RELN: variants seen among roughly 807,000 people sequenced by gnomAD.
RELN encodes the protein reelin.
Under a neutral mutation model 427.6 loss-of-function variants are expected in RELN, and 108 were observed. The observed-to-expected ratio is 0.25, with a 90% CI of 0.22 to 0.30. RELN has a LOEUF of 0.30. Among genes scored for constraint, RELN ranks in the 10% least tolerant of loss-of-function variants. The pLI is 1.00. For missense variants in RELN, 3,715 were observed against 4,302.8 expected (o/e 0.86, Z 3.82); for synonymous variants, 1,524 against 1,513.4 (o/e 1.01, Z -0.16).
At position 103,557,093 on chromosome 7, in the gene RELN, A is replaced by G; in HGVS notation, c.5681T>C (p.Leu1894Pro). The G allele has an allele frequency of 6.2e-7, 1 of 1,613,686 alleles. No homozygotes were observed. Among genetic ancestry groups the G allele is most frequent in the South Asian group, 1.1e-5 (1 of 91,072 alleles). Residue 1894 changes from leucine to proline, a missense_variant, in exon 38 of 65, where the codon CTG becomes CCG. By Grantham distance (98) the Leu-to-Pro change is moderately conservative. This residue lies in a region of RELN where 2,208 missense variants were observed against 2,361.7 expected (regional missense o/e 0.93). Transcript: ENST00000428762. ...FSISGGITWH[L>P]MDEFYFPQTT... ...TTGAGGAAAGTAAAATTCATCCATC[A>G]GGTGCCAAGTGATTCCTCCACTGAT...
chr7:103,569,808 A>G lies in RELN; in HGVS notation c.4588+2376T>C, dbSNP rs1830840887. Among the ~76,000 whole-genome samples the G allele has an allele frequency of 6.6e-6, 1 of 152,234 alleles. No homozygotes were observed. Among genetic ancestry groups the G allele is most frequent in the Admixed American group, 6.5e-5 (1 of 15,282 alleles). On this transcript the variant is annotated intron_variant, in intron 31 of 64. Coordinates refer to ENST00000428762, the MANE Select transcript of RELN (RefSeq NM_005045.4). This position sits in a 1 kb window ranked among gnomAD's most constrained non-coding sequence, Gnocchi z 4.0. ...CTGAACCTCATTAGCCATGTCATCTAACACACTGTACATCTGAATGAACCA... is the reference window on the plus strand; with the variant it reads ...CTGAACCTCATTAGCCATGTCATCTGACACACTGTACATCTGAATGAACCA...
At chr7:103,874,158 C>A (rs1429941779) in intron 2 of RELN, among the ~76,000 whole-genome samples, 3 of 137,170 alleles carry the variant, frequency 2.2e-5, no homozygotes, top group Non-Finnish European at 3.2e-5. Context: ...ATTCAACAAC[C>A]CTTCATGCTA....
intron 50 of RELN, among the ~76,000 whole-genome samples, chr7:103,514,618 C>A (rs1470099219): frequency 6.6e-6 from 1 of 152,072 alleles, no homozygotes; most frequent in Non-Finnish European, 1.5e-5. Flanking sequence ...GGGATTGTGC[C>A]ATTGTACTCC....
At chr7:103,523,634 A>G in intron 46 of RELN, 103 bp from the exon 47 acceptor site, 1 of 1,064,802 alleles carries the variant, frequency 9.4e-7, no homozygotes, top group Non-Finnish European at 1.4e-6. Context: ...AAAAGCATGT[A>G]CATTCCTACT....
At chr7:103,878,582 C>T (rs1404425122) in intron 2 of RELN, among the ~76,000 whole-genome samples, 1 of 152,018 alleles carries the variant, frequency 6.6e-6, no homozygotes, top group Non-Finnish European at 1.5e-5. Flanking sequence ...GGGGCTCCAG[C>T]AATGCAGGCT....
At chr7:103,880,711 G>A (rs1431306625) in intron 2 of RELN, among the ~76,000 whole-genome samples, 1 of 152,136 alleles carries the variant, frequency 6.6e-6, no homozygotes, top group Admixed American at 6.6e-5. Flanking sequence ...TATTTAGACA[G>A]AGTCTACCTC....
intron 2 of RELN, 133 bp downstream of exon 2, chr7:103,916,942 C>CA: frequency 1.3e-6 from 1 of 766,406 alleles, no homozygotes; most frequent in Non-Finnish European, 2.3e-6. Context: ...CAAACACACA[C>CA]AAAAACAAAA....
chr7:103,523,283 A>G lies in RELN; in HGVS notation c.7490+108T>C, dbSNP rs1266672748. ...AAGATCATATTTCAGAAAAAAATGT[A>G]TAACTTAAGGAAGCATGGGAGTGAT... is the stretch of plus-strand genomic sequence containing the variant. On this transcript the variant is annotated intron_variant, in intron 47 of 64. Coordinates refer to ENST00000428762, the MANE Select transcript of RELN (RefSeq NM_005045.4). 4.0e-6 allele frequency: 5 copies of G among 1,254,148 alleles called. 1 individual carries two copies. Among genetic ancestry groups the G allele is most frequent in the Non-Finnish European group, 5.7e-6 (5 of 869,692 alleles). The allele number at this position is 1,254,148 out of a possible 1,614,324, so 77.7% of individuals were successfully genotyped here. A position where few individuals can be genotyped will look rare whatever the true frequency, so the allele number is the denominator to read the frequency against.
chr7:103,493,408 G>C (rs1427543155), intron 57 of RELN, among the ~76,000 whole-genome samples: 2 of 152,220 alleles, frequency 1.3e-5, no homozygotes, highest in Non-Finnish European at 2.9e-5. Flanking sequence ...GGTATGGTGA[G>C]GGAAGATATT....
chr7:103,771,203 C>T (rs1045838911), intron 4 of RELN, among the ~76,000 whole-genome samples: 7 of 151,752 alleles, frequency 4.6e-5, no homozygotes, highest in African/African-American at 7.3e-5. Flanking sequence ...AGGTGTGAGC[C>T]GCCACGCCCA....
At chr7:103,818,137 T>G (rs1276455659) in intron 3 of RELN, among the ~76,000 whole-genome samples, 1 of 152,036 alleles carries the variant, frequency 6.6e-6, no homozygotes, top group Non-Finnish European at 1.5e-5. Context: ...AGTATACAGT[T>G]AAAAATAACA....
intron 3 of RELN, among the ~76,000 whole-genome samples, chr7:103,785,839 T>C (rs1441954093): frequency 1.3e-5 from 2 of 152,044 alleles, no homozygotes; most frequent in African/African-American, 2.4e-5. Context: ...CTTCAGAATA[T>C]AGCACAGAAT....
At chr7:103,951,414 G>A (rs1265459252) in intron 1 of RELN, among the ~76,000 whole-genome samples, 1 of 152,136 alleles carries the variant, frequency 6.6e-6, no homozygotes, top group African/African-American at 2.4e-5. Context: ...TATCATTATG[G>A]AATGACTACT....
intron 60 of RELN, 89 bp from the exon 61 acceptor site, chr7:103,486,505 AGTT>A (rs1828445427): frequency 1.0e-6 from 1 of 963,308 alleles, no homozygotes; most frequent in South Asian, 1.4e-5. Flanking sequence ...AGGTTTAAGT[AGTT>A]GTTACTGTAA....
chr7:103,950,934 G>A (rs1260063358), intron 1 of RELN, among the ~76,000 whole-genome samples: 1 of 152,122 alleles, frequency 6.6e-6, no homozygotes, highest in East Asian at 1.9e-4. Context: ...TGACATTGTT[G>A]TTGTTGTTGT....
chr7:103,760,800 T>C (rs1791280452), intron 4 of RELN, among the ~76,000 whole-genome samples: 1 of 152,206 alleles, frequency 6.6e-6, no homozygotes, highest in Non-Finnish European at 1.5e-5. Context: ...AATTCAAATG[T>C]ATTAAACTTC....
At chr7:103,706,584 G>T (rs375873500) in intron 8 of RELN, among the ~76,000 whole-genome samples, 1 of 152,000 alleles carries the variant, frequency 6.6e-6, no homozygotes, top group Non-Finnish European at 1.5e-5. Flanking sequence ...CCATGCTTTC[G>T]ACTTCTTCAC....
At chr7:103,767,072 C>T (rs1024786468) in intron 4 of RELN, among the ~76,000 whole-genome samples, 2 of 152,198 alleles carry the variant, frequency 1.3e-5, no homozygotes, top group African/African-American at 4.8e-5. Flanking sequence ...CCAAGAAGCC[C>T]ACAGGCCAAT....
intron 4 of RELN, among the ~76,000 whole-genome samples, chr7:103,773,479 CTT>C (rs1791659165): frequency 6.7e-6 from 1 of 148,686 alleles, no homozygotes; most frequent in Non-Finnish European, 1.5e-5. Context: ...CTCTCTCTCT[CTT>C]TCTTTCTTTT....
Sources: gnomAD v4.1 joint callset for allele counts (sites outside exome capture counted in the v4.1 genomes callset) on GRCh38, gnomAD v4.1.1 for gene constraint, gnomAD v4.1.1 regional missense constraint, Gnocchi (gnomAD v3.1) non-coding constraint, MANE v1.5 for transcripts, NCBI Gene and HGNC (gene_info 2026-07-23, HGNC 2026-07-21) for gene names.